AEN: variants seen among roughly 807,000 people sequenced by gnomAD.
AEN encodes the protein apoptosis enhancing nuclease.
AEN carries 21 observed loss-of-function variants against 17.7 expected under a neutral mutation model. The ratio of observed to expected loss-of-function variants is 1.19; its 90% CI spans 0.84 to 1.71. AEN has a LOEUF of 1.71. Among genes scored for constraint, AEN ranks in the 40% most tolerant of loss-of-function variants. AEN has a pLI of 0.00. For missense variants in AEN, 462 were observed against 435.9 expected (o/e 1.06, Z -0.53); for synonymous variants, 190 against 173.0 (o/e 1.10, Z -0.77).
chr15:88,619,948 C>A (rs1454518197), upstream of AEN, among the ~76,000 whole-genome samples: 1 of 152,138 alleles, frequency 6.6e-6, no homozygotes, highest in African/African-American at 2.4e-5. Flanking sequence ...CTCATCCATT[C>A]CTCTCTATGC....
chr15:88,615,242 G>A, the AEN span, among the ~76,000 whole-genome samples: 2 of 152,136 alleles, frequency 1.3e-5, no homozygotes, highest in Non-Finnish European at 2.9e-5. Context: ...TATATGTGAG[G>A]GAACTCTAGT....
the AEN span, among the ~76,000 whole-genome samples, chr15:88,614,412 G>A: frequency 0.013 from 1,905 of 152,180 alleles, 48 homozygotes; most frequent in African/African-American, 0.043. Flanking sequence ...TGTTGCTCAG[G>A]CTGGTCTTAA....
chr15:88,616,292 C>G, the AEN span, among the ~76,000 whole-genome samples: 94,048 of 152,068 alleles, frequency 0.62, 33,356 homozygotes, highest in East Asian at 0.79. Flanking sequence ...TGGAGTTTCA[C>G]CGTGTTGGTC....
intron 3 of AEN, 79 bp from the exon 4 acceptor site, chr15:88,629,979 G>T: frequency 7.2e-7 from 1 of 1,384,842 alleles, no homozygotes; most frequent in South Asian, 1.2e-5. Context: ...AAAGAGCCCT[G>T]GGAAACTGGC....
chr15:88,611,221 A>C, the AEN span, among the ~76,000 whole-genome samples: 2 of 151,476 alleles, frequency 1.3e-5, no homozygotes, highest in African/African-American at 4.9e-5. Context: ...TGGTGGTTCA[A>C]TGCTTTATGA....
chr15:88,612,564 C>T, the AEN span, among the ~76,000 whole-genome samples: 1 of 148,220 alleles, frequency 6.7e-6, no homozygotes, highest in South Asian at 2.2e-4. Context: ...AAAAGCATTT[C>T]CCAGCCTTTT....
chr15:88,631,345 T>C lies in AEN; in HGVS notation c.*1051T>C, dbSNP rs2057926161. On this transcript the variant is annotated 3_prime_UTR_variant, in exon 4 of 4. Transcript: ENST00000332810. The stretch of plus-strand genomic sequence containing the variant: ...TGATGCCCCCTCAGCTCTTTGACAA[T>C]CACTGTGGCTGTTGGGTTTTCTCCT... 1 of 275,226 alleles carries C rather than the reference T, an allele frequency of 3.6e-6. No homozygotes were observed. Among genetic ancestry groups the C allele is most frequent in the African/African-American group, 2.2e-5 (1 of 45,608 alleles). The allele number at this position is 275,226 out of a possible 1,614,324, so 17.0% of individuals were successfully genotyped here. A position where few individuals can be genotyped will look rare whatever the true frequency, so the allele number is the denominator to read the frequency against.
At chr15:88,614,640 C>A in the AEN span, among the ~76,000 whole-genome samples, 1 of 152,138 alleles carries the variant, frequency 6.6e-6, no homozygotes, top group Non-Finnish European at 1.5e-5. Context: ...CCCCACCCAT[C>A]GCAACTGCAG....
At chr15:88,611,727 A>G in the AEN span, 1 of 317,136 alleles carries the variant, frequency 3.2e-6, no homozygotes, top group Non-Finnish European at 6.5e-6. Flanking sequence ...GAACTTAGTA[A>G]TAGGAGCGGA....
chr15:88,625,053 AT>A (rs779494710), intron 1 of AEN, among the ~76,000 whole-genome samples: 38 of 152,176 alleles, frequency 2.5e-4, no homozygotes, highest in Non-Finnish European at 4.4e-4. Flanking sequence ...AACATCAGAC[AT>A]TTCCTGTAGC....
chr15:88,613,738 T>G, the AEN span, among the ~76,000 whole-genome samples: 352 of 152,294 alleles, frequency 2.3e-3, 2 homozygotes, highest in African/African-American at 8.1e-3. Context: ...AGTCAGTCAC[T>G]TAACATCTCT....
At chr15:88,615,243 G>A in the AEN span, among the ~76,000 whole-genome samples, 1 of 152,126 alleles carries the variant, frequency 6.6e-6, no homozygotes, top group South Asian at 2.1e-4. Flanking sequence ...ATATGTGAGG[G>A]AACTCTAGTC....
upstream of AEN, among the ~76,000 whole-genome samples, chr15:88,620,817 G>A (rs943627687): frequency 6.6e-6 from 1 of 152,178 alleles, no homozygotes. Context: ...AGCCCACGTA[G>A]GAACTTAATA....
chr15:88,618,573 G>C (rs1042652441), upstream of AEN, among the ~76,000 whole-genome samples: 1 of 152,246 alleles, frequency 6.6e-6, no homozygotes, highest in Non-Finnish European at 1.5e-5. Flanking sequence ...CTTTGAAGGA[G>C]ATGGATTGAG....
At chr15:88,613,457 T>A in the AEN span, among the ~76,000 whole-genome samples, 12 of 152,092 alleles carry the variant, frequency 7.9e-5, no homozygotes, top group Non-Finnish European at 1.5e-4. Flanking sequence ...AAGCCCAGAT[T>A]GGGCAGGAAG....
Position 88,630,108 on chromosome 15 carries a change from G to A in AEN, c.792G>A (p.Glu264=). Residue 264 remains glutamate, a synonymous_variant, in exon 4 of 4, where the codon GAG becomes GAA. Transcript: ENST00000332810. This position sits in a 1 kb window ranked among gnomAD's most constrained non-coding sequence, Gnocchi z 5.1. ...TAGAAGATGCCACGACAGCCATGGA[G>A]CTCTACCGGCTGGTGGAGGTGCAGT... ...SSVEDATTAM[E]LYRLVEVQWE... 1 of 1,614,128 alleles carries A rather than the reference G, an allele frequency of 6.2e-7. No homozygotes were observed.
rs1289741335 is a variant in AEN at position 88,629,437 on chromosome 15, G to A, written c.741+11G>A. 2 of 1,611,160 alleles carry A rather than the reference G, an allele frequency of 1.2e-6. No homozygotes were observed. Among genetic ancestry groups the A allele is most frequent in the Non-Finnish European group, 1.7e-6 (2 of 1,177,940 alleles). ...CACAAGAAGATCCAGGTGCGTGGTG[G>A]GAGAGTGGCTGGAAGGGAGGGAGGC... On this transcript the variant is annotated intron_variant, in intron 3 of 3. Transcript: ENST00000332810.
At position 88,630,383 on chromosome 15, in the gene AEN, G is replaced by A; in HGVS notation, c.*89G>A. The stretch of plus-strand genomic sequence containing the variant: ...GCAGCGGGCACTCCTTCCTGGGCAG[G>A]GTGGGGCAGGATGCAGTGAGCCAGC... On this transcript the variant is annotated 3_prime_UTR_variant, in exon 4 of 4. Transcript: ENST00000332810. The surrounding 1 kb of genome is among the most constrained non-coding windows in gnomAD (Gnocchi z 5.1). 2 of 1,308,416 alleles carry A rather than the reference G, an allele frequency of 1.5e-6. No individual in the cohort carries two copies. Among genetic ancestry groups the A allele is most frequent in the Non-Finnish European group, 2.1e-6 (2 of 941,184 alleles). The allele number at this position is 1,308,416 out of a possible 1,614,324, so 81.1% of individuals were successfully genotyped here.
the AEN span, among the ~76,000 whole-genome samples, chr15:88,614,661 T>G: frequency 1.3e-5 from 2 of 152,134 alleles, no homozygotes; most frequent in Non-Finnish European, 1.5e-5. Flanking sequence ...CTGTCAGGTT[T>G]CCCGGCTCAC....
Sources: allele counts gnomAD v4.1 joint callset (sites outside exome capture counted in the v4.1 genomes callset), GRCh38; gene constraint gnomAD v4.1.1; non-coding constraint Gnocchi (gnomAD v3.1); transcripts MANE v1.5; gene names NCBI Gene and HGNC (gene_info 2026-07-23, HGNC 2026-07-21).